ELAPOR1: variants seen among roughly 807,000 people sequenced by gnomAD.
ELAPOR1 encodes endosome-lysosome associated apoptosis and autophagy regulator 1.
A neutral mutation model predicts 119.7 loss-of-function variants in ELAPOR1; 77 were observed. That is an observed-to-expected ratio of 0.64 (90% CI 0.54 to 0.78). The LOEUF (loss-of-function observed/expected upper bound fraction) is 0.78, where lower values mean the gene tolerates loss of function less well. ELAPOR1 is among the 30% of genes least tolerant of loss of function. ELAPOR1 has a pLI of 0.00. For missense variants in ELAPOR1, 1,115 were observed against 1,270.4 expected, an observed-to-expected ratio of 0.88 and a Z score of 1.86; for synonymous variants, 481 against 487.2, an observed-to-expected ratio of 0.99 and a Z score of 0.17.
Position 109,191,765 on chromosome 1 carries a change from A to C in ELAPOR1, c.1585A>C (p.Lys529Gln), listed in dbSNP as rs1653452985. 6.2e-7 allele frequency: 1 copy of C among 1,614,208 alleles called. No individual in the cohort carries two copies. The highest frequency in any genetic ancestry group is 1.1e-5 in the South Asian group (1 of 91,078). ...GACCAACACTCCTGTGGAGACGTGG[A>C]AAGGTTCCAAAGGCAAACAGTCCTA... Reference protein sequence around the residue: ...SRTNTPVETWKGSKGKQSYTY... With the variant: ...SRTNTPVETWQGSKGKQSYTY... Residue 529 changes from lysine (K) to glutamine (Q), a missense_variant, in exon 13 of 22, where the codon AAA (lysine) becomes CAA (glutamine). Coordinates refer to ENST00000369939, the MANE Select transcript of ELAPOR1 (RefSeq NM_020775.5).
chr1:109,191,080 G>A (rs533652864), intron 11 of ELAPOR1, among the ~76,000 whole-genome samples: 1 of 152,242 alleles, frequency 6.6e-6, no homozygotes, highest in East Asian at 1.9e-4. Context: ...AGGTGATACA[G>A]CATTTTATAA....
intron 7 of ELAPOR1, among the ~76,000 whole-genome samples, chr1:109,183,568 C>CTTCCTTT (rs1459635689): frequency 9.0e-5 from 4 of 44,392 alleles, no homozygotes; most frequent in Admixed American, 2.8e-4. Flanking sequence ...TTCCTTCCTT[C>CTTCCTTT]CTTCCTTCCT....
chr1:109,149,512 G>A (rs956827656), intron 1 of ELAPOR1, among the ~76,000 whole-genome samples: 1 of 152,076 alleles, frequency 6.6e-6, no homozygotes, highest in Non-Finnish European at 1.5e-5. Context: ...TAAAAGCAGG[G>A]TCTAGACCTT....
rs145472232 is a variant in ELAPOR1, at chr1:109,186,905, C to A, written c.1042-1272C>A. 6.1e-5 allele frequency: 60 copies of A among 985,570 alleles called. No homozygotes were observed. The African/African-American group carries it at 9.9e-4, about 16-fold the overall frequency. The allele number at this position is 985,570 out of a possible 1,614,324, so 61.1% of individuals were successfully genotyped here. ...CGGGGCCTTTAGATGCTGGGTCAGA[C>A]CAAAGCCTGTGTTCCCGCCTTGCAG... On this transcript the variant is annotated intron_variant, in intron 8 of 21. Coordinates refer to ENST00000369939, the MANE Select transcript of ELAPOR1 (RefSeq NM_020775.5).
intron 1 of ELAPOR1, among the ~76,000 whole-genome samples, chr1:109,158,823 A>G (rs1305789449): frequency 6.6e-6 from 1 of 152,082 alleles, no homozygotes; most frequent in Non-Finnish European, 1.5e-5. Context: ...ATGTGTTTGC[A>G]GAACGCTGAA....
rs143663906 is a variant in ELAPOR1, at chr1:109,149,696, C to T, written c.154-12198C>T. Among the ~76,000 whole-genome samples the T allele has an allele frequency of 9.9e-3, 1,503 of 152,262 alleles. 19 individuals carry two copies. The highest frequency in any genetic ancestry group is 0.034 in the African/African-American group (1,431 of 41,538). ...AAGATCTGTGTTCTGAAGACACTTA[C>T]ATTTGATCTGGAATGGGGACGGGGC... is the stretch of plus-strand genomic sequence containing the variant. On this transcript the variant is annotated intron_variant, in intron 1 of 21. Coordinates refer to ENST00000369939, the MANE Select transcript of ELAPOR1 (RefSeq NM_020775.5).
In ELAPOR1 at chr1:109,164,542, G is replaced by A. The variant is rs149926490; in HGVS notation, c.318G>A (p.Gln106=). ...GGGAGTTTCTGGATATGAAGGACCA[G>A]TCATGTAAGCCATGCGCTGAGGGCC... ...NAGEFLDMKD[Q]SCKPCAEGRY... The change falls in exon 3 of 22, where the codon CAG becomes CAA. Residue 106 remains glutamine (Q), a synonymous_variant. Coordinates refer to ENST00000369939, the MANE Select transcript of ELAPOR1 (RefSeq NM_020775.5). 291 of 1,614,056 alleles carry A rather than the reference G, an allele frequency of 1.8e-4. 4 individuals are homozygous for A. The East Asian group carries it at 6.3e-3, about 35-fold the overall frequency.
chr1:109,171,575 C>T (rs1020798581), intron 3 of ELAPOR1, among the ~76,000 whole-genome samples: 4 of 152,030 alleles, frequency 2.6e-5, no homozygotes, highest in Admixed American at 1.3e-4. Flanking sequence ...TGTTAGCCCT[C>T]CCCAACTTCA....
At position 109,140,029 on chromosome 1, in the gene ELAPOR1, T is replaced by C. The variant is rs567419591; in HGVS notation, c.154-21865T>C. On this transcript the variant is annotated intron_variant, in intron 1 of 21. Transcript: ENST00000369939. The stretch of plus-strand genomic sequence containing the variant: ...CCACCTGCCTCAGCCACTCAAAGTA[T>C]TGGGATTACAGGCGTGAGCCACCCC... 5.3e-5 allele frequency among the ~76,000 whole-genome samples: 8 copies of C among 152,328 alleles called. 1 individual carries two copies. The highest frequency in any genetic ancestry group is 3.9e-4 in the Admixed American group (6 of 15,298).
chr1:109,178,504 T>C (rs1652489663), intron 7 of ELAPOR1, among the ~76,000 whole-genome samples: 1 of 152,198 alleles, frequency 6.6e-6, no homozygotes, highest in African/African-American at 2.4e-5. Flanking sequence ...GGTCCATGCA[T>C]TTACAAATAT....
chr1:109,183,777 C>T (rs533961780), intron 7 of ELAPOR1, among the ~76,000 whole-genome samples: 41 of 152,100 alleles, frequency 2.7e-4, no homozygotes, highest in African/African-American at 8.2e-4. Flanking sequence ...CCACCACGCC[C>T]GGCTAATTTT....
intron 1 of ELAPOR1, among the ~76,000 whole-genome samples, chr1:109,160,875 T>C (rs530691985): frequency 2.0e-5 from 3 of 152,346 alleles, no homozygotes; most frequent in African/African-American, 7.2e-5. Flanking sequence ...TTGTGTTTTC[T>C]TTGTTCTGAG....
At chr1:109,197,080 T>C (rs1443419245) in intron 15 of ELAPOR1, among the ~76,000 whole-genome samples, 4 of 151,658 alleles carry the variant, frequency 2.6e-5, no homozygotes, top group Admixed American at 6.6e-5. Flanking sequence ...GGCAGGAAGA[T>C]TGCTTGAGCC....
rs141963893 is a variant in ELAPOR1 at position 109,143,012 on chromosome 1, C to T, written c.154-18882C>T. 1.6e-3 allele frequency among the ~76,000 whole-genome samples: 236 copies of T among 151,532 alleles called. 5 individuals carry two copies. The South Asian group carries it at 0.028, about 18-fold the overall frequency. ...TCGCCCAGGCTGGAGTGCAGTAGTG[C>T]GATCTCAGCTCACTGCAACCTCCGG... is the stretch of plus-strand genomic sequence containing the variant. On this transcript the variant is annotated intron_variant, in intron 1 of 21. Coordinates refer to ENST00000369939, the MANE Select transcript of ELAPOR1 (RefSeq NM_020775.5).
chr1:109,150,696 C>G (rs1650481864), intron 1 of ELAPOR1, among the ~76,000 whole-genome samples: 1 of 152,064 alleles, frequency 6.6e-6, no homozygotes, highest in African/African-American at 2.4e-5. Context: ...GAAGCATGAA[C>G]AAGAAAAAGA....
chr1:109,139,353 T>A (rs1411591062), intron 1 of ELAPOR1, among the ~76,000 whole-genome samples: 2 of 151,742 alleles, frequency 1.3e-5, no homozygotes, highest in African/African-American at 4.8e-5. Context: ...AAAATAAAAA[T>A]AAATAAAAAT....
chr1:109,188,444 C>A, intron 9 of ELAPOR1, 90 bp downstream of exon 9: 2 of 1,418,302 alleles, frequency 1.4e-6, no homozygotes, highest in African/African-American at 1.4e-5. Context: ...AATGCAGACT[C>A]TGCCCTTCCA....
chr1:109,117,898 G>A (rs550951004), intron 1 of ELAPOR1, among the ~76,000 whole-genome samples: 22 of 152,102 alleles, frequency 1.4e-4, no homozygotes, highest in Non-Finnish European at 3.2e-4. Context: ...GGGAGGCCGA[G>A]GCAGGTGGAT....
At chr1:109,192,563 T>A in intron 13 of ELAPOR1, 48 bp from the exon 14 acceptor site, 1 of 1,593,330 alleles carries the variant, frequency 6.3e-7, no homozygotes, top group Non-Finnish European at 8.6e-7. Context: ...CAATTGTTGC[T>A]GCTGTCTCAG....
Sources: allele counts gnomAD v4.1 joint callset (sites outside exome capture counted in the v4.1 genomes callset), GRCh38; gene constraint gnomAD v4.1.1; transcripts MANE v1.5; gene names NCBI Gene and HGNC (gene_info 2026-07-23, HGNC 2026-07-21).